Variants in WFDC1 observed in about 807,000 individuals in gnomAD.
The protein encoded by WFDC1 is WAP four-disulfide core domain protein 1.
A neutral mutation model predicts 32.9 loss-of-function variants in WFDC1; 39 were observed. The ratio of observed to expected loss-of-function variants is 1.19; its 90% CI spans 0.92 to 1.55. The LOEUF is 1.55. WFDC1 is among the 40% of genes most tolerant of loss of function. The probability of loss-of-function intolerance (pLI) is 0.00; values close to 1 mark genes in which losing one functional copy is unlikely to be tolerated. For synonymous variants in WFDC1, 184 were observed against 137.4 expected (o/e 1.34, Z -2.37); for missense variants, 386 against 309.5 (o/e 1.25, Z -1.85).
At chr16:84,315,213 T>A (rs1053275718) in intron 2 of WFDC1, among the ~76,000 whole-genome samples, 2 of 152,258 alleles carry the variant, frequency 1.3e-5, no homozygotes, top group South Asian at 4.1e-4. Flanking sequence ...CCTTGCCTCC[T>A]TTAGACCTAT....
At chr16:84,320,356 A>T (rs1431447614) in intron 4 of WFDC1, among the ~76,000 whole-genome samples, 3 of 152,190 alleles carry the variant, frequency 2.0e-5, no homozygotes, top group African/African-American at 7.2e-5. Flanking sequence ...GTAAGTCAAG[A>T]AGCATCTGTA....
At chr16:84,302,891 A>G (rs917202096) in intron 1 of WFDC1, among the ~76,000 whole-genome samples, 6 of 152,160 alleles carry the variant, frequency 3.9e-5, no homozygotes, top group Admixed American at 2.0e-4. Flanking sequence ...GAATGAATCA[A>G]TTATGTTAAA....
At chr16:84,303,350 G>T (rs990055038) in intron 1 of WFDC1, among the ~76,000 whole-genome samples, 6 of 152,096 alleles carry the variant, frequency 3.9e-5, no homozygotes, top group African/African-American at 1.2e-4. Flanking sequence ...TGGAAGGAAG[G>T]GGGTGGTGAG....
intron 1 of WFDC1, among the ~76,000 whole-genome samples, chr16:84,302,067 G>A (rs903968048): frequency 6.6e-6 from 1 of 152,160 alleles, no homozygotes; most frequent in African/African-American, 2.4e-5. Context: ...CTGGACACAC[G>A]CCATTGCACA....
At chr16:84,315,813 T>C (rs2151376640) in intron 2 of WFDC1, among the ~76,000 whole-genome samples, 1 of 152,340 alleles carries the variant, frequency 6.6e-6, no homozygotes. Context: ...GGCACCTTAC[T>C]TCTTCATTGC....
At chr16:84,312,079 C>T (rs1330164478) in intron 1 of WFDC1, among the ~76,000 whole-genome samples, 2 of 152,092 alleles carry the variant, frequency 1.3e-5, no homozygotes, top group Admixed American at 6.6e-5. Context: ...GCAGGAGAAT[C>T]GCTTGAACCC....
intron 5 of WFDC1, among the ~76,000 whole-genome samples, chr16:84,325,008 C>T (rs1334480120): frequency 2.0e-5 from 3 of 152,088 alleles, no homozygotes; most frequent in African/African-American, 7.2e-5. Context: ...TCCATCCATC[C>T]ACCCATTCAT....
rs573436123 is a variant in WFDC1, at chr16:84,305,628, A to G, written c.145-7333A>G. 2.0e-5 allele frequency among the ~76,000 whole-genome samples: 3 copies of G among 152,274 alleles called. 1 individual carries two copies. In the South Asian group the frequency reaches 6.2e-4, roughly 32 times the overall value. ...TCATCTGGGAGTGAATTGAGGGAGG[A>G]TACAGCGGAAATGAAGAAAGACTGG... On this transcript the variant is annotated intron_variant, in intron 1 of 6. Coordinates refer to ENST00000219454, the MANE Select transcript of WFDC1 (RefSeq NM_021197.4).
intron 2 of WFDC1, 57 bp downstream of exon 2, chr16:84,313,210 T>G: frequency 7.5e-7 from 1 of 1,333,786 alleles, no homozygotes; most frequent in Non-Finnish European, 9.6e-7. Context: ...AACAGAGCTG[T>G]CCCGGGGGAG....
chr16:84,298,093 T>C (rs2151363809), intron 1 of WFDC1, among the ~76,000 whole-genome samples: 1 of 152,278 alleles, frequency 6.6e-6, no homozygotes, highest in East Asian at 1.9e-4. Context: ...AACTAAGTTA[T>C]ATAAACTTAC....
intron 4 of WFDC1, 130 bp from the exon 5 acceptor site, chr16:84,324,289 G>C: frequency 1.3e-6 from 1 of 789,848 alleles, no homozygotes; most frequent in Non-Finnish European, 2.1e-6. Context: ...TGTAGCCTCT[G>C]AACAATTCCA....
At chr16:84,307,701 C>T (rs567155522) in intron 1 of WFDC1, among the ~76,000 whole-genome samples, 28 of 152,128 alleles carry the variant, frequency 1.8e-4, no homozygotes, top group Non-Finnish European at 3.1e-4. Flanking sequence ...AAAAATAAGC[C>T]GCCCCCTCCC....
Position 84,318,296 on chromosome 16 carries a change from A to T in WFDC1, c.362A>T (p.Lys121Ile), listed in dbSNP as rs1908079824. ...GTCTTAGACTGGCTGGTGCAGCCGA[A>T]ACCTCGATGGCTTGGTGGCAATGGC... Reference protein sequence around the residue: ...PPVLDWLVQPKPRWLGGNGWL... With the variant: ...PPVLDWLVQPIPRWLGGNGWL... The change falls in exon 3 of 7, where the codon AAA (lysine) becomes ATA (isoleucine). Residue 121 changes from lysine to isoleucine, a missense_variant. By Grantham distance (102) the Lys-to-Ile change is moderately radical. Transcript: ENST00000219454. 1.2e-6 allele frequency: 2 copies of T among 1,614,166 alleles called. No homozygotes were observed. Among genetic ancestry groups the T allele is most frequent in the Non-Finnish European group, 1.7e-6 (2 of 1,179,992 alleles).
chr16:84,301,663 A>G (rs981318050), intron 1 of WFDC1, among the ~76,000 whole-genome samples: 2 of 152,136 alleles, frequency 1.3e-5, no homozygotes, highest in Non-Finnish European at 2.9e-5. Flanking sequence ...GAGAGGGGAT[A>G]TGTCGTACTG....
chr16:84,319,337 T>A, intron 3 of WFDC1, 94 bp from the exon 4 acceptor site: 1 of 1,524,040 alleles, frequency 6.6e-7, no homozygotes. Context: ...GTGCGTTCCC[T>A]GCACCCGTCC....
rs115201862 is a variant in WFDC1, at chr16:84,299,351, G to A, written c.144+4236G>A. 4.0e-3 allele frequency among the ~76,000 whole-genome samples: 608 copies of A among 150,832 alleles called. 4 individuals are homozygous for A. The highest frequency in any genetic ancestry group is 0.014 in the African/African-American group (589 of 41,066). On this transcript the variant is annotated intron_variant, in intron 1 of 6. Transcript: ENST00000219454. ...TTGGATTCCAGCCTGGGCAAGAAGA[G>A]CGCAACTCCATCTCAAAAAACAAAA...
chr16:84,315,653 G>T (rs1376638260), intron 2 of WFDC1, among the ~76,000 whole-genome samples: 1 of 152,190 alleles, frequency 6.6e-6, no homozygotes, highest in Non-Finnish European at 1.5e-5. Context: ...ATGGTCAGCG[G>T]CTTCCTTGGC....
intron 1 of WFDC1, among the ~76,000 whole-genome samples, chr16:84,297,888 C>T (rs911036768): frequency 2.6e-5 from 4 of 152,074 alleles, no homozygotes; most frequent in Admixed American, 1.3e-4. Context: ...TGATAGGAAG[C>T]AGCCCCCACA....
chr16:84,325,333 G>T (rs1426692563), intron 5 of WFDC1, among the ~76,000 whole-genome samples: 3 of 151,922 alleles, frequency 2.0e-5, no homozygotes, highest in African/African-American at 7.3e-5. Context: ...CTCCCAAATA[G>T]CTGGGATTAC....
Sources: gnomAD v4.1 joint callset for allele counts (sites outside exome capture counted in the v4.1 genomes callset) on GRCh38, gnomAD v4.1.1 for gene constraint, MANE v1.5 for transcripts, NCBI Gene and HGNC (gene_info 2026-07-23, HGNC 2026-07-21) for gene names.